RBFOX1: variants seen among roughly 807,000 people sequenced by gnomAD.
RBFOX1 encodes the protein RNA binding fox-1 homolog 1.
In RBFOX1, 8 loss-of-function variants were observed where a neutral mutation model predicts 57.7. The observed-to-expected ratio is 0.14, with a 90% CI of 0.08 to 0.25. The LOEUF is 0.25. Ranked by LOEUF, RBFOX1 falls within the 10% of genes least tolerant of loss-of-function variation. The probability of loss-of-function intolerance (pLI) is 1.00; values close to 1 mark genes in which losing one functional copy is unlikely to be tolerated. For missense variants in RBFOX1, 611 were observed against 548.5 expected, an observed-to-expected ratio of 1.11 and a Z score of -1.14; for synonymous variants, 326 against 222.4, an observed-to-expected ratio of 1.47 and a Z score of -4.15.
intron 4 of RBFOX1, among the ~76,000 whole-genome samples, chr16:7,285,448 G>A (rs1056129117): frequency 4.0e-5 from 6 of 151,472 alleles, no homozygotes; most frequent in African/African-American, 7.3e-5. Context: ...GAATTTTACC[G>A]CACATGTAGG....
At chr16:7,106,603 C>G (rs2063626528) in intron 4 of RBFOX1, among the ~76,000 whole-genome samples, 1 of 151,958 alleles carries the variant, frequency 6.6e-6, no homozygotes, top group African/African-American at 2.4e-5. Context: ...ATCTGTCTAT[C>G]TCAAGGTCCT....
rs769128746 is a variant in RBFOX1 at position 7,524,066 on chromosome 16, C to G, written c.270+5677C>G. Among the ~76,000 whole-genome samples, 80 of 152,286 alleles carry G rather than the reference C, an allele frequency of 5.3e-4. 1 individual carries two copies. The highest frequency in any genetic ancestry group is 3.4e-3 in the Middle Eastern group (1 of 294). On this transcript the variant is annotated intron_variant, in intron 5 of 15. Transcript: ENST00000550418. The stretch of plus-strand genomic sequence containing the variant: ...CATTCCCCATAGGATAGTGCTGTAC[C>G]TGGAATAGCTCTAACTCTTCTTTGA...
intron 3 of RBFOX1, among the ~76,000 whole-genome samples, chr16:6,987,527 A>C (rs1254578431): frequency 6.6e-6 from 1 of 151,720 alleles, no homozygotes; most frequent in Non-Finnish European, 1.5e-5. Context: ...CACACATTGC[A>C]AACATAATCA....
intron 1 of RBFOX1, among the ~76,000 whole-genome samples, chr16:5,279,738 G>A (rs2063226556): frequency 6.6e-6 from 1 of 152,124 alleles, no homozygotes; most frequent in Non-Finnish European, 1.5e-5. Flanking sequence ...CCAACCTCAG[G>A]TGATCCACCC....
chr16:6,275,460 C>G (rs1002383927), intron 1 of RBFOX1, among the ~76,000 whole-genome samples: 8 of 152,218 alleles, frequency 5.3e-5, no homozygotes, highest in Non-Finnish European at 7.3e-5. Flanking sequence ...TCATTCGCAT[C>G]TCATAACTAC....
At chr16:5,353,767 G>A (rs962304783) in intron 1 of RBFOX1, among the ~76,000 whole-genome samples, 1 of 150,606 alleles carries the variant, frequency 6.6e-6, no homozygotes, top group African/African-American at 2.4e-5. Flanking sequence ...AGACACTGCC[G>A]AGTGCTCCCT....
At chr16:6,447,911 C>G (rs748212437) in intron 2 of RBFOX1, among the ~76,000 whole-genome samples, 1 of 152,128 alleles carries the variant, frequency 6.6e-6, no homozygotes, top group Non-Finnish European at 1.5e-5. Flanking sequence ...TGACATCACA[C>G]ACGCTGTCAT....
intron 4 of RBFOX1, among the ~76,000 whole-genome samples, chr16:6,010,353 G>A (rs754552469): frequency 6.6e-6 from 1 of 152,300 alleles, no homozygotes; most frequent in Non-Finnish European, 1.5e-5. Context: ...CCCGGGGTGG[G>A]GTTGGGTGAA....
At chr16:6,679,797 G>C (rs915543249) in intron 3 of RBFOX1, among the ~76,000 whole-genome samples, 3 of 149,780 alleles carry the variant, frequency 2.0e-5, no homozygotes, top group Non-Finnish European at 3.0e-5. Context: ...AGTTCAGTTT[G>C]TCCAGTATTA....
At chr16:5,245,593 C>T (rs2062278208) in intron 1 of RBFOX1, among the ~76,000 whole-genome samples, 1 of 152,150 alleles carries the variant, frequency 6.6e-6, no homozygotes, top group African/African-American at 2.4e-5. Context: ...TGCAGATGCG[C>T]ACCACCATGC....
intron 1 of RBFOX1, among the ~76,000 whole-genome samples, chr16:5,333,167 G>T (rs1170086989): frequency 7.0e-6 from 1 of 142,228 alleles, no homozygotes; most frequent in African/African-American, 2.6e-5. Flanking sequence ...CAGCCTGGGC[G>T]AAAGAGCAAG....
At chr16:7,488,342 T>C (rs1322138379) in intron 4 of RBFOX1, among the ~76,000 whole-genome samples, 5 of 152,222 alleles carry the variant, frequency 3.3e-5, no homozygotes, top group Admixed American at 2.6e-4. Flanking sequence ...TATAGCTAGA[T>C]AGTTGGATAG....
At chr16:7,124,727 C>T (rs558420908) in intron 4 of RBFOX1, among the ~76,000 whole-genome samples, 5 of 151,932 alleles carry the variant, frequency 3.3e-5, no homozygotes, top group South Asian at 4.2e-4. Context: ...ATATCACATA[C>T]GGAAAAGGTA....
At chr16:5,480,506 C>T (rs1459731745) in intron 2 of RBFOX1, among the ~76,000 whole-genome samples, 1 of 152,158 alleles carries the variant, frequency 6.6e-6, no homozygotes, top group East Asian at 1.9e-4. Context: ...GCTGAAAATG[C>T]ACGGGATTAG....
chr16:5,380,049 A>C (rs908268109), intron 1 of RBFOX1, among the ~76,000 whole-genome samples: 1 of 152,134 alleles, frequency 6.6e-6, no homozygotes, highest in Non-Finnish European at 1.5e-5. Flanking sequence ...CTGTGACAGG[A>C]AGCCGGTGAC....
chr16:7,317,813 C>G (rs1243012251), intron 4 of RBFOX1, among the ~76,000 whole-genome samples: 4 of 152,214 alleles, frequency 2.6e-5, no homozygotes, highest in Non-Finnish European at 5.9e-5. Context: ...AGTTTCATTT[C>G]TACATTTACG....
At chr16:6,255,363 G>A (rs1358774641) in intron 1 of RBFOX1, among the ~76,000 whole-genome samples, 1 of 152,162 alleles carries the variant, frequency 6.6e-6, no homozygotes, top group Non-Finnish European at 1.5e-5. Flanking sequence ...CAGATGAGAT[G>A]CGAAAGGATG....
intron 2 of RBFOX1, among the ~76,000 whole-genome samples, chr16:6,594,621 G>C (rs2097758922): frequency 6.6e-6 from 1 of 151,856 alleles, no homozygotes; most frequent in East Asian, 1.9e-4. Context: ...AAACTACTTG[G>C]GCTAGGACCC....
At chr16:6,409,712 A>C (rs912945098) in intron 2 of RBFOX1, among the ~76,000 whole-genome samples, 1 of 152,196 alleles carries the variant, frequency 6.6e-6, no homozygotes, top group African/African-American at 2.4e-5. Context: ...AAATTTATCC[A>C]GCTGCAAACC....
Sources: allele counts gnomAD v4.1 joint callset (sites outside exome capture counted in the v4.1 genomes callset), GRCh38; gene constraint gnomAD v4.1.1; transcripts MANE v1.5; gene names NCBI Gene and HGNC (gene_info 2026-07-23, HGNC 2026-07-21).